NIN: variants seen among roughly 807,000 people sequenced by gnomAD.
NIN encodes the protein glycogen synthase kinase 3 beta-interacting protein.
Under a neutral mutation model 257.6 loss-of-function variants are expected in NIN, and 137 were observed. The observed-to-expected ratio is 0.53, with a 90% CI of 0.46 to 0.61. The LOEUF is 0.61. Among genes scored for constraint, NIN ranks in the 20% least tolerant of loss-of-function variants. The pLI is 0.00. For missense variants in NIN, 2,439 were observed against 2,501.2 expected, an observed-to-expected ratio of 0.98 and a Z score of 0.53; for synonymous variants, 918 against 919.8, an observed-to-expected ratio of 1.00 and a Z score of 0.04.
intron 4 of NIN, among the ~76,000 whole-genome samples, chr14:50,793,532 G>A (rs1260689966): frequency 6.6e-6 from 1 of 152,118 alleles, no homozygotes; most frequent in African/African-American, 2.4e-5. Flanking sequence ...TGAAACCACA[G>A]TAAAAAAAAT....
intron 24 of NIN, among the ~76,000 whole-genome samples, chr14:50,743,002 C>T (rs1238292285): frequency 6.6e-6 from 1 of 152,092 alleles, no homozygotes; most frequent in Non-Finnish European, 1.5e-5. Flanking sequence ...CTCGCTCTGT[C>T]GTGCAGGCTG....
intron 28 of NIN, 69 bp downstream of exon 28, chr14:50,735,447 T>A: frequency 6.4e-7 from 1 of 1,559,486 alleles, no homozygotes; most frequent in Non-Finnish European, 8.7e-7. Context: ...GTCTAGTCTC[T>A]CCCAACAAAT....
At chr14:50,740,792 A>G (rs1450474760) in intron 25 of NIN, among the ~76,000 whole-genome samples, 1 of 152,228 alleles carries the variant, frequency 6.6e-6, no homozygotes, top group African/African-American at 2.4e-5. Flanking sequence ...CAAAACAACT[A>G]GTTTTTTTAT....
At chr14:50,727,825 C>T (rs1595694212) in intron 29 of NIN, 1 of 1,302,940 alleles carries the variant, frequency 7.7e-7, no homozygotes, top group East Asian at 3.5e-5. Flanking sequence ...TAAATTCACA[C>T]ATCTACAATG....
In NIN at chr14:50,756,511, G is replaced by A. The variant is rs1385340195; in HGVS notation, c.4519C>T (p.Gln1507Ter). Residue 1507 changes from glutamine to a stop codon, truncating the protein, a stop_gained, in exon 18 of 31, where the codon CAA (glutamine) becomes TAA (stop). Transcript: ENST00000530997. LOFTEE classifies it high-confidence loss of function. ...CATTACCTCAGAAGTTCAACTTTTT[G>A]CTGCATCTCACTGCACGTGATCTGC... Reference protein sequence around the residue: ...DLQITCSEMQQKVELLRYESE... With the variant: ...DLQITCSEMQ 3 of 1,602,408 alleles carry A rather than the reference G, an allele frequency of 1.9e-6. No homozygotes were observed. The highest frequency in any genetic ancestry group is 2.6e-6 in the Non-Finnish European group (3 of 1,175,396).
chr14:50,723,231 T>C lies in NIN; in HGVS notation c.*232A>G. ...CATATGTCCACATTCTTGGTGGCTA[T>C]TAAAATTTTAAAATAAATTCAAATC... is the stretch of plus-strand genomic sequence containing the variant. On this transcript the variant is annotated 3_prime_UTR_variant, in exon 31 of 31. Transcript: ENST00000530997. The C allele has an allele frequency of 2.6e-6, 1 of 391,252 alleles. No individual in the cohort carries two copies. The highest frequency in any genetic ancestry group is 4.5e-6 in the Non-Finnish European group (1 of 221,148). The allele number at this position is 391,252 out of a possible 1,614,324, so 24.2% of individuals were successfully genotyped here.
intron 5 of NIN, among the ~76,000 whole-genome samples, chr14:50,782,050 C>T (rs964704697): frequency 1.5e-4 from 23 of 151,166 alleles, no homozygotes; most frequent in African/African-American, 5.3e-4. Context: ...GAAGGTTCAT[C>T]TCAACAGCAA....
At chr14:50,763,713 C>CTTTTTTTTTT (rs5808571) in intron 15 of NIN, 113 bp downstream of exon 15, 1 of 675,486 alleles carries the variant, frequency 1.5e-6, no homozygotes, top group Non-Finnish European at 2.2e-6. Flanking sequence ...TGGCCAAATT[C>CTTTTTTTTTT]TTTTTTTTTT....
rs377282697 is a variant in NIN, at chr14:50,758,462, G to A, written c.2568C>T (p.Ser856=). The A allele has an allele frequency of 6.2e-7, 1 of 1,614,078 alleles. No individual in the cohort carries two copies. ...GCTCGTCCTTCTCAAATTCCCACTG[G>A]GATTTCTCCTCACGCTGCTGTTCCT... ...DLQEQQREEK[S]QWEFEKDELT... is the part of the protein sequence containing the mutation. Residue 856 remains serine, a synonymous_variant, in exon 18 of 31, where the codon TCC becomes TCT. Coordinates refer to ENST00000530997, the MANE Select transcript of NIN (RefSeq NM_020921.4).
intron 27 of NIN, among the ~76,000 whole-genome samples, chr14:50,737,346 C>A (rs1314484276): frequency 1.3e-5 from 2 of 152,030 alleles, no homozygotes; most frequent in East Asian, 1.9e-4. Flanking sequence ...GATCCTCTAG[C>A]CCCAGTGAAG....
Position 50,800,007 on chromosome 14 carries a change from T to TACACACACACACAC in NIN, c.265+6716_265+6729dup, listed in dbSNP as rs71118902. ...AAAAAACAAACAATATATATACACA[T>TACACACACACACAC]ACACACACACACACACACACACACA... On this transcript the variant is annotated intron_variant, in intron 4 of 30. Transcript: ENST00000530997. Among the ~76,000 whole-genome samples, 341 of 148,232 alleles carry TACACACACACACAC rather than the reference T, an allele frequency of 2.3e-3. 1 individual carries two copies. Among genetic ancestry groups the TACACACACACACAC allele is most frequent in the East Asian group, 4.0e-3 (20 of 5,024 alleles).
intron 17 of NIN, among the ~76,000 whole-genome samples, chr14:50,759,605 T>C (rs900881948): frequency 3.3e-5 from 5 of 152,070 alleles, no homozygotes; most frequent in East Asian, 1.9e-4. Context: ...GCCATTCTCC[T>C]GCCTCAGCCT....
chr14:50,743,913 A>G (rs544528722), intron 23 of NIN, among the ~76,000 whole-genome samples: 1 of 152,340 alleles, frequency 6.6e-6, no homozygotes, highest in Non-Finnish European at 1.5e-5. Flanking sequence ...GATAAAATAG[A>G]AAAAAAGTGT....
Position 50,741,602 on chromosome 14 carries a change from G to A in NIN, c.5428C>T (p.Leu1810Phe). The A allele has an allele frequency of 1.2e-6, 2 of 1,613,894 alleles. No individual in the cohort carries two copies. The highest frequency in any genetic ancestry group is 1.7e-6 in the Non-Finnish European group (2 of 1,179,956). The change falls in exon 25 of 31, where the codon CTT becomes TTT. Residue 1810 changes from leucine (L) to phenylalanine (F), a missense_variant. Leu to Phe is a conservative substitution (Grantham distance 22). This residue lies in a region of NIN where 2,043 missense variants were observed against 2,050.2 expected (regional missense o/e 1.00). Coordinates refer to ENST00000530997, the MANE Select transcript of NIN (RefSeq NM_020921.4). ...KQEVMSLHKQ[L>F]QNAGGKSWAP... ...ATCACCTTGCCACCAGCATTCTGAA[G>A]TTGCTTATGTAAAGACATCACTTCT...
In NIN at chr14:50,803,367, A is replaced by AAAAAC. The variant is rs1293800816; in HGVS notation, c.265+3365_265+3369dup. Among the ~76,000 whole-genome samples the AAAAAC allele has an allele frequency of 7.9e-5, 12 of 152,302 alleles. No individual in the cohort carries two copies. The East Asian group carries it at 2.1e-3, about 27-fold the overall frequency. On this transcript the variant is annotated intron_variant, in intron 4 of 30. Coordinates refer to ENST00000530997, the MANE Select transcript of NIN (RefSeq NM_020921.4). ...GACTCCATCTCAAAAAAACAAAAAC[A>AAAAAC]AAAACACAGACCTGGCCCCTTCTGG... is the stretch of plus-strand genomic sequence containing the variant.
intron 2 of NIN, among the ~76,000 whole-genome samples, chr14:50,829,793 C>CT (rs1352723775): frequency 6.6e-6 from 1 of 152,176 alleles, no homozygotes; most frequent in Non-Finnish European, 1.5e-5. Flanking sequence ...CTTTCCGTCT[C>CT]TATCTCTTTT....
chr14:50,761,678 C>T, intron 16 of NIN, 112 bp downstream of exon 16: 1 of 1,216,316 alleles, frequency 8.2e-7, no homozygotes, highest in Non-Finnish European at 1.2e-6. Context: ...GATGTGGGTT[C>T]CCAACATAGA....
chr14:50,756,949 C>T lies in NIN; in HGVS notation c.4081G>A (p.Gly1361Arg). The change falls in exon 18 of 31, where the codon GGA becomes AGA. Residue 1361 changes from glycine to arginine, a missense_variant. Physicochemically the swap from Gly to Arg is moderately radical, Grantham distance 125 (BLOSUM62 -2). This residue lies in a region of NIN where 2,043 missense variants were observed against 2,050.2 expected (regional missense o/e 1.00). Transcript: ENST00000530997. ...GTCTGATTGAGCTGGAGTATATTTCCATCAGGTTCGATTTCCAGGTTCTCT... is the reference window on the plus strand; with the variant it reads ...GTCTGATTGAGCTGGAGTATATTTCTATCAGGTTCGATTTCCAGGTTCTCT... ...SLENLEIEPD[G>R]NILQLNQTLE... The T allele has an allele frequency of 6.3e-7, 1 of 1,595,880 alleles. No homozygotes were observed. Among genetic ancestry groups the T allele is most frequent in the South Asian group, 1.1e-5 (1 of 89,252 alleles).
At position 50,761,932 on chromosome 14, in the gene NIN, T is replaced by C. The variant is rs746948607; in HGVS notation, c.1775-21A>G. On this transcript the variant is annotated intron_variant, in intron 15 of 30. Transcript: ENST00000530997. ...GAGCCCTGAAAACACATGGGACTCA[T>C]TGATCCTGCAGCAGGTTCTTTCAAT... 18 of 1,613,550 alleles carry C rather than the reference T, an allele frequency of 1.1e-5. No individual in the cohort carries two copies. In the African/African-American group the frequency reaches 1.3e-4, roughly 12 times the overall value.
Sources: allele counts gnomAD v4.1 joint callset (sites outside exome capture counted in the v4.1 genomes callset), GRCh38; gene constraint gnomAD v4.1.1; regional missense constraint gnomAD v4.1.1; transcripts MANE v1.5; gene names NCBI Gene and HGNC (gene_info 2026-07-23, HGNC 2026-07-21).